Variants in SNTG1 observed in about 807,000 individuals in gnomAD.
The protein encoded by SNTG1 is gamma-1-syntrophin.
A neutral mutation model predicts 74.7 loss-of-function variants in SNTG1; 39 were observed. The observed-to-expected ratio is 0.52, with a 90% CI of 0.40 to 0.68. The LOEUF (loss-of-function observed/expected upper bound fraction) is 0.68, where lower values mean the gene tolerates loss of function less well. SNTG1 is among the 30% of genes least tolerant of loss of function. SNTG1 has a pLI of 0.00. For missense variants in SNTG1, 685 were observed against 609.5 expected, an observed-to-expected ratio of 1.12 and a Z score of -1.30; for synonymous variants, 254 against 217.1, an observed-to-expected ratio of 1.17 and a Z score of -1.49.
chr8:50,497,842 T>A (rs543015360), intron 8 of SNTG1, among the ~76,000 whole-genome samples: 2 of 152,196 alleles, frequency 1.3e-5, no homozygotes, highest in South Asian at 4.1e-4. Flanking sequence ...TTCTACAATT[T>A]TATGTAAATG....
chr8:49,962,106 C>G (rs796213170), intron 1 of SNTG1, among the ~76,000 whole-genome samples: 11 of 152,158 alleles, frequency 7.2e-5, no homozygotes, highest in African/African-American at 2.7e-4. Flanking sequence ...ATGCAAAGCC[C>G]TGTGGAAGGC....
chr8:50,694,143 C>A (rs1585557584), intron 15 of SNTG1, among the ~76,000 whole-genome samples: 1 of 148,178 alleles, frequency 6.7e-6, no homozygotes. Context: ...AAAGAAAGAC[C>A]AAGGAAATGA....
rs185346269 is a variant in SNTG1, at chr8:50,692,726, G to A, written c.1039-11874G>A. Among the ~76,000 whole-genome samples, 279 of 152,278 alleles carry A rather than the reference G, an allele frequency of 1.8e-3. 2 individuals are homozygous for A. The highest frequency in any genetic ancestry group is 9.1e-3 in the East Asian group (47 of 5,154). On this transcript the variant is annotated intron_variant, in intron 15 of 18. Transcript: ENST00000642720. Reference sequence around the variant, plus strand: ...ACCCACTTGAGGAGGCAGTCTGCCCGTTCTCAGATCTCAAGCTGCATTCTG... The same window carrying A: ...ACCCACTTGAGGAGGCAGTCTGCCCATTCTCAGATCTCAAGCTGCATTCTG...
At chr8:50,651,969 C>T (rs1481086923) in intron 13 of SNTG1, among the ~76,000 whole-genome samples, 5 of 151,684 alleles carry the variant, frequency 3.3e-5, no homozygotes, top group African/African-American at 4.8e-5. Flanking sequence ...AGGGTGGTCT[C>T]GAACCCCCGA....
At chr8:50,366,171 C>T (rs1443628339) in intron 2 of SNTG1, among the ~76,000 whole-genome samples, 1 of 152,094 alleles carries the variant, frequency 6.6e-6, no homozygotes, top group Non-Finnish European at 1.5e-5. Flanking sequence ...ATAAAGTCAA[C>T]GCACAACTAT....
At chr8:50,149,779 T>C (rs1297019528) in intron 1 of SNTG1, among the ~76,000 whole-genome samples, 1 of 152,242 alleles carries the variant, frequency 6.6e-6, no homozygotes, top group Non-Finnish European at 1.5e-5. Flanking sequence ...GTACCATTGC[T>C]GTTTTGGTCA....
chr8:50,169,883 G>A (rs1408405960), intron 1 of SNTG1, among the ~76,000 whole-genome samples: 5 of 152,170 alleles, frequency 3.3e-5, no homozygotes, highest in African/African-American at 9.7e-5. Flanking sequence ...AGAGGCTGCA[G>A]TGAGTTATGC....
intron 16 of SNTG1, among the ~76,000 whole-genome samples, chr8:50,706,289 C>T (rs2095443185): frequency 6.6e-6 from 1 of 151,782 alleles, no homozygotes; most frequent in Admixed American, 6.6e-5. Flanking sequence ...AAAATGGAAA[C>T]AAAACTATAT....
intron 17 of SNTG1, among the ~76,000 whole-genome samples, chr8:50,740,071 T>G (rs1197011286): frequency 6.6e-6 from 1 of 152,066 alleles, no homozygotes; most frequent in East Asian, 1.9e-4. Context: ...GGCAAAGATT[T>G]CATGATGAAG....
intron 15 of SNTG1, among the ~76,000 whole-genome samples, chr8:50,670,036 G>T (rs1439665847): frequency 6.6e-6 from 1 of 152,022 alleles, no homozygotes; most frequent in African/African-American, 2.4e-5. Flanking sequence ...TTGATGGGAT[G>T]TATCTCAAAA....
At chr8:50,154,321 T>C (rs2082179434) in intron 1 of SNTG1, among the ~76,000 whole-genome samples, 2 of 152,142 alleles carry the variant, frequency 1.3e-5, no homozygotes, top group African/African-American at 4.8e-5. Flanking sequence ...TTCCAGGTAC[T>C]GTCTGTCACC....
intron 8 of SNTG1, among the ~76,000 whole-genome samples, chr8:50,475,762 T>A (rs1397220639): frequency 2.6e-5 from 4 of 151,932 alleles, no homozygotes; most frequent in Non-Finnish European, 5.9e-5. Context: ...GTTTGGAAAA[T>A]CCCAGAGTGG....
intron 12 of SNTG1, among the ~76,000 whole-genome samples, chr8:50,576,544 T>C (rs1455656445): frequency 6.6e-6 from 1 of 152,146 alleles, no homozygotes; most frequent in African/African-American, 2.4e-5. Flanking sequence ...ATCTGTGAGT[T>C]CCCTTGAGTA....
intron 17 of SNTG1, among the ~76,000 whole-genome samples, chr8:50,712,629 A>T (rs1340083004): frequency 6.6e-6 from 1 of 151,966 alleles, no homozygotes; most frequent in Non-Finnish European, 1.5e-5. Flanking sequence ...TGCATTAGGT[A>T]TTTGACCTAA....
chr8:50,302,468 A>G (rs577230927), intron 2 of SNTG1, among the ~76,000 whole-genome samples: 2 of 152,194 alleles, frequency 1.3e-5, no homozygotes, highest in Admixed American at 1.3e-4. Flanking sequence ...TTCTGTAGTG[A>G]GTCTGCCAGT....
At chr8:50,552,156 T>G (rs1585659346) in intron 11 of SNTG1, among the ~76,000 whole-genome samples, 1 of 152,224 alleles carries the variant, frequency 6.6e-6, no homozygotes, top group South Asian at 2.1e-4. Flanking sequence ...GTTTGTGTAT[T>G]GTGTTGCACA....
intron 15 of SNTG1, among the ~76,000 whole-genome samples, chr8:50,663,145 T>A (rs930982237): frequency 2.0e-5 from 3 of 152,084 alleles, no homozygotes; most frequent in African/African-American, 7.2e-5. Flanking sequence ...CAAGGAATAA[T>A]GTATAAACTT....
Position 50,751,984 on chromosome 8 carries a change from T to C in SNTG1, c.1285-17T>C. On this transcript the variant is annotated splice_polypyrimidine_tract_variant and intron_variant, in intron 17 of 18. Transcript: ENST00000642720. ...ATTAATTCCACCGACTTACATTGTTTTTTTTCCCCCCTTTAGGCTGTCCTT... is the reference window on the plus strand; with the variant it reads ...ATTAATTCCACCGACTTACATTGTTCTTTTTCCCCCCTTTAGGCTGTCCTT... 6.8e-7 allele frequency: 1 copy of C among 1,471,296 alleles called. No homozygotes were observed. The highest frequency in any genetic ancestry group is 9.1e-7 in the Non-Finnish European group (1 of 1,101,154). 91.1% of individuals were successfully genotyped at this position (1,471,296 alleles called of 1,614,324 possible).
intron 2 of SNTG1, among the ~76,000 whole-genome samples, chr8:50,192,110 T>G (rs1001962113): frequency 3.3e-5 from 5 of 152,158 alleles, no homozygotes; most frequent in Non-Finnish European, 7.3e-5. Flanking sequence ...GTGTGCCCAG[T>G]GGGCATCCCA....
Sources: gnomAD v4.1 joint callset for allele counts (sites outside exome capture counted in the v4.1 genomes callset) on GRCh38, gnomAD v4.1.1 for gene constraint, MANE v1.5 for transcripts, NCBI Gene and HGNC (gene_info 2026-07-23, HGNC 2026-07-21) for gene names.